CSMD3: variants seen among roughly 807,000 people sequenced by gnomAD.
CSMD3 encodes the protein CUB and sushi domain-containing protein 3.
CSMD3 carries 177 observed loss-of-function variants against 435.2 expected under a neutral mutation model. The observed-to-expected ratio is 0.41, with a 90% CI of 0.36 to 0.46. CSMD3 has a LOEUF of 0.46. Ranked by LOEUF, CSMD3 falls within the 20% of genes least tolerant of loss-of-function variation. CSMD3 has a pLI of 0.34. For missense variants in CSMD3, 4,265 were observed against 4,504.6 expected (o/e 0.95, Z 1.52); for synonymous variants, 1,656 against 1,520.5 (o/e 1.09, Z -2.07).
intron 30 of CSMD3, among the ~76,000 whole-genome samples, chr8:112,500,433 A>G: frequency 6.6e-6 from 1 of 152,164 alleles, no homozygotes; most frequent in East Asian, 1.9e-4. Context: ...CAGTTCTAGA[A>G]AACATTCAAG....
At chr8:112,583,314 T>C (rs1306487357) in intron 23 of CSMD3, among the ~76,000 whole-genome samples, 1 of 142,454 alleles carries the variant, frequency 7.0e-6, no homozygotes, top group Non-Finnish European at 1.5e-5. Context: ...AACTTTGAAA[T>C]ACACATTAGT....
chr8:113,431,515 G>A (rs1234193032), intron 1 of CSMD3, among the ~76,000 whole-genome samples: 1 of 152,156 alleles, frequency 6.6e-6, no homozygotes, highest in Non-Finnish European at 1.5e-5. Flanking sequence ...CTTACCAGGC[G>A]TATGCTTGGT....
chr8:113,421,951 C>A (rs1038381274), intron 1 of CSMD3, among the ~76,000 whole-genome samples: 4 of 152,156 alleles, frequency 2.6e-5, no homozygotes, highest in Non-Finnish European at 5.9e-5. Context: ...AATAATAAGA[C>A]AACTTTATTT....
chr8:113,336,565 C>T (rs1478617710), intron 1 of CSMD3, among the ~76,000 whole-genome samples: 2 of 152,044 alleles, frequency 1.3e-5, no homozygotes, highest in African/African-American at 4.8e-5. Flanking sequence ...GTGTATGAGT[C>T]TTTTTCTGAG....
At chr8:112,377,257 T>C (rs115112175) in intron 38 of CSMD3, among the ~76,000 whole-genome samples, 2,259 of 150,484 alleles carry the variant, frequency 0.015, 54 homozygotes, top group African/African-American at 0.053. Context: ...CCCAGAAAAA[T>C]GAAAAAATTC....
At chr8:112,867,357 C>T (rs1240292733) in intron 10 of CSMD3, among the ~76,000 whole-genome samples, 1 of 152,132 alleles carries the variant, frequency 6.6e-6, no homozygotes, top group Non-Finnish European at 1.5e-5. Flanking sequence ...ATAGCCAAAA[C>T]AATCTTGAGA....
chr8:113,178,857 G>T (rs1588213701), intron 3 of CSMD3, among the ~76,000 whole-genome samples: 1 of 152,014 alleles, frequency 6.6e-6, no homozygotes, highest in Non-Finnish European at 1.5e-5. Context: ...CTTGATCATA[G>T]ATGGCTTCAC....
chr8:112,995,441 A>G (rs2085614440), intron 6 of CSMD3, among the ~76,000 whole-genome samples: 1 of 151,530 alleles, frequency 6.6e-6, no homozygotes, highest in African/African-American at 2.4e-5. Context: ...CCTAGCAACC[A>G]TAGTTCTAGT....
intron 3 of CSMD3, among the ~76,000 whole-genome samples, chr8:113,276,191 C>T (rs1218197337): frequency 6.6e-6 from 1 of 152,072 alleles, no homozygotes; most frequent in African/African-American, 2.4e-5. Context: ...GGAACTTGCA[C>T]ATATGTCATG....
In CSMD3 at chr8:112,337,851, T is replaced by C. The variant is rs1824725637; in HGVS notation, c.6653-120A>G. Reference sequence around the variant, plus strand: ...GATGCTACTTGCAGTTGATTATAAATAGCAATTCAGGTTTATGATAAATGC... The same window carrying C: ...GATGCTACTTGCAGTTGATTATAAACAGCAATTCAGGTTTATGATAAATGC... On this transcript the variant is annotated intron_variant, in intron 42 of 70. Coordinates refer to ENST00000297405, the MANE Select transcript of CSMD3 (RefSeq NM_198123.2). 4.5e-6 allele frequency: 3 copies of C among 661,492 alleles called. No individual in the cohort carries two copies. The East Asian group carries it at 8.1e-5, about 18-fold the overall frequency. 41.0% of individuals were successfully genotyped at this position (661,492 alleles called of 1,614,324 possible). A position where few individuals can be genotyped will look rare whatever the true frequency, so the allele number is the denominator to read the frequency against.
intron 4 of CSMD3, among the ~76,000 whole-genome samples, chr8:113,100,058 A>G (rs1290858027): frequency 6.6e-6 from 1 of 152,114 alleles, no homozygotes; most frequent in East Asian, 1.9e-4. Flanking sequence ...TGGGTAGAAC[A>G]TAAAAAAAAT....
At chr8:112,354,733 T>C (rs1043885872) in intron 38 of CSMD3, among the ~76,000 whole-genome samples, 1 of 152,204 alleles carries the variant, frequency 6.6e-6, no homozygotes, top group Non-Finnish European at 1.5e-5. Flanking sequence ...TCCATGCTCA[T>C]GAATTGGAAG....
At position 112,550,748 on chromosome 8, in the gene CSMD3, C is replaced by G. The variant is rs770184805; in HGVS notation, c.4487G>C (p.Ser1496Thr). The G allele has an allele frequency of 1.2e-6, 2 of 1,603,430 alleles. No homozygotes were observed. The highest frequency in any genetic ancestry group is 2.2e-5 in the East Asian group (1 of 44,734). The change falls in exon 27 of 71, where the codon AGC (serine) becomes ACC (threonine). Residue 1496 changes from serine to threonine, a missense_variant. This residue lies in a region of CSMD3 where 3,255 missense variants were observed against 3,380.2 expected (regional missense o/e 0.96). Coordinates refer to ENST00000297405, the MANE Select transcript of CSMD3 (RefSeq NM_198123.2). The part of the protein sequence containing the change: ...SGSLIPEGIH[S>T]TLNIVTIQFD... ...CTGGATGGTTACTATATTGAGGGTGCTATGAATTCCTTCAGGAATAAGAGA... is the reference window on the plus strand; with the variant it reads ...CTGGATGGTTACTATATTGAGGGTGGTATGAATTCCTTCAGGAATAAGAGA...
chr8:112,345,785 T>C (rs1175938824), intron 41 of CSMD3, among the ~76,000 whole-genome samples: 1 of 152,066 alleles, frequency 6.6e-6, no homozygotes, highest in Non-Finnish European at 1.5e-5. Context: ...CCAAAATGTA[T>C]ACAAATTTCA....
At chr8:113,184,270 T>A (rs2131946590) in intron 3 of CSMD3, among the ~76,000 whole-genome samples, 1 of 152,152 alleles carries the variant, frequency 6.6e-6, no homozygotes, top group Non-Finnish European at 1.5e-5. Context: ...AAGCACTTCA[T>A]GCCCCATTCT....
At chr8:112,825,795 A>T (rs941080912) in intron 12 of CSMD3, among the ~76,000 whole-genome samples, 2 of 152,146 alleles carry the variant, frequency 1.3e-5, no homozygotes, top group Non-Finnish European at 2.9e-5. Flanking sequence ...CTCCTGTTGG[A>T]GGGTCTTACC....
intron 30 of CSMD3, among the ~76,000 whole-genome samples, chr8:112,497,265 G>C (rs1821447828): frequency 6.6e-6 from 1 of 152,022 alleles, no homozygotes; most frequent in Non-Finnish European, 1.5e-5. Flanking sequence ...AACAAAGTTA[G>C]ATAGAATGAA....
chr8:112,464,519 C>A (rs992783634), intron 32 of CSMD3, among the ~76,000 whole-genome samples: 3 of 152,030 alleles, frequency 2.0e-5, no homozygotes, highest in South Asian at 2.1e-4. Context: ...GGTAAGGAGA[C>A]CTTCCCTCCT....
intron 1 of CSMD3, among the ~76,000 whole-genome samples, chr8:113,396,960 A>T (rs1437965451): frequency 6.6e-6 from 1 of 152,180 alleles, no homozygotes; most frequent in Non-Finnish European, 1.5e-5. Context: ...AGTACCTGAC[A>T]CATAAAAGGT....
Sources: gnomAD v4.1 joint callset for allele counts (sites outside exome capture counted in the v4.1 genomes callset) on GRCh38, gnomAD v4.1.1 for gene constraint, gnomAD v4.1.1 regional missense constraint, MANE v1.5 for transcripts, NCBI Gene and HGNC (gene_info 2026-07-23, HGNC 2026-07-21) for gene names.